Variants in GRM4 observed in about 807,000 individuals in gnomAD.
GRM4 encodes glutamate metabotropic receptor 4, also known as metabotropic glutamate receptor 4.
GRM4 carries 28 observed loss-of-function variants against 81.7 expected under a neutral mutation model. That is an observed-to-expected ratio of 0.34 (90% CI 0.25 to 0.47). The LOEUF is 0.47. GRM4 is among the 20% of genes least tolerant of loss of function. The pLI is 1.00. For missense variants in GRM4, 948 were observed against 1,290.0 expected, an observed-to-expected ratio of 0.73 and a Z score of 4.06; for synonymous variants, 488 against 528.8, an observed-to-expected ratio of 0.92 and a Z score of 1.06.
chr6:34,141,502 A>C (rs1291713226), intron 1 of GRM4, among the ~76,000 whole-genome samples: 1 of 152,252 alleles, frequency 6.6e-6, no homozygotes, highest in African/African-American at 2.4e-5. Context: ...GTACACATAC[A>C]TTGATGCCTC....
chr6:34,133,599 C>G lies in GRM4; in HGVS notation c.-103G>C. 1 of 1,477,334 alleles carries G rather than the reference C, an allele frequency of 6.8e-7. No homozygotes were observed. 91.5% of individuals were successfully genotyped at this position (1,477,334 alleles called of 1,614,324 possible). On this transcript the variant is annotated 5_prime_UTR_variant, in exon 2 of 11. Coordinates refer to ENST00000538487, the MANE Select transcript of GRM4 (RefSeq NM_000841.4). This position sits in a 1 kb window ranked among gnomAD's most constrained non-coding sequence, Gnocchi z 6.5. ...GGCATGGGCAGGGCAGCTTCAGCAG[C>G]AGGGGGACTGAGGGCAGCCAACCGC... is the stretch of plus-strand genomic sequence containing the variant.
intron 1 of GRM4, among the ~76,000 whole-genome samples, chr6:34,141,022 AG>A (rs1363077021): frequency 6.6e-6 from 1 of 152,272 alleles, no homozygotes; most frequent in Non-Finnish European, 1.5e-5. Context: ...CTTAGGAATC[AG>A]GTCGAGTCTC....
Position 34,086,128 on chromosome 6 carries a change from C to T in GRM4, c.736+5755G>A, listed in dbSNP as rs149888784. Among the ~76,000 whole-genome samples, 399 of 152,338 alleles carry T rather than the reference C, an allele frequency of 2.6e-3. 1 individual carries two copies. The highest frequency in any genetic ancestry group is 9.2e-3 in the African/African-American group (381 of 41,566). The stretch of plus-strand genomic sequence containing the variant: ...TGGGGCCAGCCCCCTTGGCTCTGGC[C>T]GTACAGATCTCCACCTCATCCCCGT... On this transcript the variant is annotated intron_variant, in intron 3 of 10. Transcript: ENST00000538487.
chr6:34,112,120 G>A (rs752151358), intron 2 of GRM4, among the ~76,000 whole-genome samples: 15 of 152,138 alleles, frequency 9.9e-5, no homozygotes, highest in Non-Finnish European at 1.5e-4. Context: ...GCTGAACTGG[G>A]AGAAAATTAA....
intron 1 of GRM4, among the ~76,000 whole-genome samples, chr6:34,142,190 A>G (rs1770720765): frequency 6.6e-6 from 1 of 152,202 alleles, no homozygotes; most frequent in African/African-American, 2.4e-5. Flanking sequence ...GCCCGCCAAG[A>G]CAGCCAGCAG....
chr6:34,092,770 G>A lies in GRM4; in HGVS notation c.520-671C>T, dbSNP rs150232923. ...AGCCTCTCCAAGGCAGAGCCGACCC[G>A]GGGCCCTGCCCCAGCCCCGGGGCTT... On this transcript the variant is annotated intron_variant, in intron 2 of 10. Transcript: ENST00000538487. This position sits in a 1 kb window ranked among gnomAD's most constrained non-coding sequence, Gnocchi z 6.8. Among the ~76,000 whole-genome samples, 2,491 of 152,074 alleles carry A rather than the reference G, an allele frequency of 0.016. 23 individuals are homozygous for A. Among genetic ancestry groups the A allele is most frequent in the African/African-American group, 0.027 (1,103 of 41,506 alleles).
chr6:34,044,268 A>AT (rs760016815), intron 6 of GRM4, among the ~76,000 whole-genome samples: 1 of 149,286 alleles, frequency 6.7e-6, no homozygotes, highest in Non-Finnish European at 1.5e-5. Context: ...ATACATACAC[A>AT]TATACACATA....
chr6:34,127,161 A>G (rs1770055010), intron 2 of GRM4, among the ~76,000 whole-genome samples: 1 of 152,194 alleles, frequency 6.6e-6, no homozygotes. Flanking sequence ...CTCAATAGCA[A>G]AAAGGAAAAC....
intron 3 of GRM4, 28 bp downstream of exon 3, chr6:34,091,855 T>C: frequency 6.5e-7 from 1 of 1,527,810 alleles, no homozygotes; most frequent in Non-Finnish European, 9.0e-7. Flanking sequence ...GAGCCTGGCA[T>C]GACTCTGCGG....
intron 2 of GRM4, chr6:34,101,907 A>G: frequency 1.1e-6 from 1 of 921,386 alleles, no homozygotes; most frequent in Non-Finnish European, 1.6e-6. Context: ...CCAGAGAGTG[A>G]TCTCGTGGCC....
intron 1 of GRM4, among the ~76,000 whole-genome samples, chr6:34,139,542 T>C (rs867475262): frequency 7.9e-5 from 12 of 152,148 alleles, no homozygotes; most frequent in African/African-American, 2.7e-4. Flanking sequence ...ATTCTTGTCA[T>C]CTCCTTCCTC....
chr6:34,119,985 C>T (rs957823177), intron 2 of GRM4, among the ~76,000 whole-genome samples: 1 of 152,180 alleles, frequency 6.6e-6, no homozygotes, highest in African/African-American at 2.4e-5. Context: ...TGGAAGGGTG[C>T]GCAGGGAATA....
At position 34,069,946 on chromosome 6, in the gene GRM4, T is replaced by C. The variant is rs1431838360; in HGVS notation, c.737-7918A>G. ...TTTATCTCCCTGGGGTCTTTCTGCC[T>C]GGGGCCTTACAGAGCCCAGGACACG... On this transcript the variant is annotated intron_variant, in intron 3 of 10. Coordinates refer to ENST00000538487, the MANE Select transcript of GRM4 (RefSeq NM_000841.4). The surrounding 1 kb of genome is among the most constrained non-coding windows in gnomAD (Gnocchi z 6.4). 6.6e-6 allele frequency among the ~76,000 whole-genome samples: 1 copy of C among 152,122 alleles called. No homozygotes were observed. The highest frequency in any genetic ancestry group is 2.4e-5 in the African/African-American group (1 of 41,422).
At chr6:34,131,145 G>A (rs965267977) in intron 2 of GRM4, among the ~76,000 whole-genome samples, 7 of 152,220 alleles carry the variant, frequency 4.6e-5, no homozygotes, top group Admixed American at 2.0e-4. Flanking sequence ...AACTGGGTGC[G>A]GTGGGAGGAC....
At position 34,131,215 on chromosome 6, in the gene GRM4, G is replaced by A. The variant is rs188043342; in HGVS notation, c.519+1763C>T. Among the ~76,000 whole-genome samples the A allele has an allele frequency of 1.1e-4, 17 of 152,334 alleles. No individual in the cohort carries two copies. The East Asian group carries it at 2.9e-3, about 26-fold the overall frequency. ...AAGAACTGCAAAAGATGATCACAGC[G>A]ACACAGCCCCCGGGGATTGTTCCAG... On this transcript the variant is annotated intron_variant, in intron 2 of 10. Coordinates refer to ENST00000538487, the MANE Select transcript of GRM4 (RefSeq NM_000841.4).
At chr6:34,060,369 CAG>C (rs1458654090) in intron 4 of GRM4, 2 of 152,374 alleles carry the variant, frequency 1.3e-5, no homozygotes, top group African/African-American at 2.4e-5. Context: ...TCCAGCCCTG[CAG>C]AGTCACCTGG....
At chr6:34,123,962 G>C (rs1160630605) in intron 2 of GRM4, among the ~76,000 whole-genome samples, 1 of 152,206 alleles carries the variant, frequency 6.6e-6, no homozygotes, top group African/African-American at 2.4e-5. Context: ...AGGCCCGAGT[G>C]TGCAAAAGTC....
intron 2 of GRM4, chr6:34,102,045 G>A (rs75813933): frequency 0.039 from 60,176 of 1,535,344 alleles, 1,272 homozygotes; most frequent in African/African-American, 0.073. Flanking sequence ...CCAAAGCATG[G>A]CCCTGAAGTC....
chr6:34,057,616 T>C (rs1481865718), intron 5 of GRM4, among the ~76,000 whole-genome samples: 1 of 152,198 alleles, frequency 6.6e-6, no homozygotes, highest in Non-Finnish European at 1.5e-5. Flanking sequence ...CAACCAAAAA[T>C]GGCTCCAGAA....
Sources: gnomAD v4.1 joint callset for allele counts (sites outside exome capture counted in the v4.1 genomes callset) on GRCh38, gnomAD v4.1.1 for gene constraint, Gnocchi (gnomAD v3.1) non-coding constraint, MANE v1.5 for transcripts, NCBI Gene and HGNC (gene_info 2026-07-23, HGNC 2026-07-21) for gene names.